SMG6: variants seen among roughly 807,000 people sequenced by gnomAD.
SMG6 encodes telomerase-binding protein EST1A.
SMG6 carries 66 observed loss-of-function variants against 142.2 expected under a neutral mutation model. The ratio of observed to expected loss-of-function variants is 0.46; its 90% confidence interval spans 0.38 to 0.57. The LOEUF is 0.57. Among genes scored for constraint, SMG6 ranks in the 20% least tolerant of loss-of-function variants. The probability of loss-of-function intolerance (pLI) is 0.00; values close to 1 mark genes in which losing one functional copy is unlikely to be tolerated. For missense variants in SMG6, 1,793 were observed against 1,832.0 expected (o/e 0.98, Z 0.39); for synonymous variants, 779 against 702.4 (o/e 1.11, Z -1.72).
chr17:2,277,393 C>T (rs535922539), intron 8 of SMG6, among the ~76,000 whole-genome samples: 2 of 151,980 alleles, frequency 1.3e-5, no homozygotes, highest in South Asian at 4.1e-4. Context: ...GTCTCGATCT[C>T]CTGACCTCGT....
At position 2,299,944 on chromosome 17, in the gene SMG6, C is replaced by G. The variant is rs757032499; in HGVS notation, c.809G>C (p.Gly270Ala). The G allele has an allele frequency of 6.2e-7, 1 of 1,614,116 alleles. No individual in the cohort carries two copies. The highest frequency in any genetic ancestry group is 1.1e-5 in the South Asian group (1 of 91,082). The change falls in exon 2 of 19, where the codon GGA (glycine) becomes GCA (alanine). Residue 270 changes from glycine (G) to alanine (A), a missense_variant. Gly to Ala is a moderately conservative substitution (Grantham distance 60). Transcript: ENST00000263073. This position sits in a 1 kb window ranked among gnomAD's most constrained non-coding sequence, Gnocchi z 4.3. ...SSAGSNNSAE[G>A]AGLTDNGCRR... ...ACATCCATTATCCGTCAGGCCAGCTCCCTCAGCGCTGTTGTTGCTGCCAGC... is the reference window on the plus strand; with the variant it reads ...ACATCCATTATCCGTCAGGCCAGCTGCCTCAGCGCTGTTGTTGCTGCCAGC...
At chr17:2,077,287 C>T (rs2068285998) in intron 15 of SMG6, among the ~76,000 whole-genome samples, 1 of 152,162 alleles carries the variant, frequency 6.6e-6, no homozygotes, top group African/African-American at 2.4e-5. Context: ...CCAGAAATAA[C>T]TGGAACATGA....
intron 10 of SMG6, among the ~76,000 whole-genome samples, chr17:2,192,431 T>A (rs1356012454): frequency 2.0e-5 from 3 of 152,130 alleles, no homozygotes; most frequent in Non-Finnish European, 4.4e-5. Flanking sequence ...AGTCTGATGC[T>A]CTGATAGCAG....
chr17:2,116,039 C>T (rs1567609772), intron 13 of SMG6, among the ~76,000 whole-genome samples: 1 of 150,854 alleles, frequency 6.6e-6, no homozygotes, highest in Non-Finnish European at 1.5e-5. Flanking sequence ...AAAGCACTCA[C>T]TAACTTTTAA....
Position 2,300,757 on chromosome 17 carries a change from CA to C in SMG6, c.89-94del, listed in dbSNP as rs926316068. 116 of 1,199,830 alleles carry C rather than the reference CA, an allele frequency of 9.7e-5. No individual in the cohort carries two copies. The African/African-American group carries it at 1.6e-3, about 17-fold the overall frequency. The allele number at this position is 1,199,830 out of a possible 1,614,324, so 74.3% of individuals were successfully genotyped here. On this transcript the variant is annotated intron_variant, in intron 1 of 18. Transcript: ENST00000263073. ...AAAGACTGTCATTCTGGTTAAGTAACAAAAAAAGTCGAGCAAGAATTACATA... is the reference window on the plus strand; with the variant it reads ...AAAGACTGTCATTCTGGTTAAGTAACAAAAAAGTCGAGCAAGAATTACATA...
chr17:2,220,957 A>G (rs2073153630), intron 10 of SMG6, among the ~76,000 whole-genome samples: 1 of 152,254 alleles, frequency 6.6e-6, no homozygotes, highest in African/African-American at 2.4e-5. Context: ...GTTTTCATAA[A>G]TAGGACAGAA....
intron 8 of SMG6, among the ~76,000 whole-genome samples, chr17:2,274,621 C>T (rs1312664465): frequency 6.6e-6 from 1 of 152,172 alleles, no homozygotes; most frequent in South Asian, 2.1e-4. Context: ...CCAGACTGAA[C>T]CACAAAACAT....
chr17:2,204,972 A>G (rs1280625133), intron 10 of SMG6, among the ~76,000 whole-genome samples: 1 of 152,126 alleles, frequency 6.6e-6, no homozygotes, highest in Non-Finnish European at 1.5e-5. Flanking sequence ...TAATAGTAAC[A>G]TAGCCCTTCC....
At chr17:2,213,405 C>T (rs1216762007) in intron 10 of SMG6, among the ~76,000 whole-genome samples, 2 of 152,158 alleles carry the variant, frequency 1.3e-5, no homozygotes, top group Non-Finnish European at 2.9e-5. Context: ...CTGATCCACC[C>T]GGCCTCTCAG....
chr17:2,177,778 T>A (rs1204802059), intron 12 of SMG6, among the ~76,000 whole-genome samples: 1 of 152,084 alleles, frequency 6.6e-6, no homozygotes, highest in East Asian at 1.9e-4. Context: ...ACAGCCAAGA[T>A]GGCACAGAAG....
chr17:2,097,239 C>T (rs118170056), intron 13 of SMG6, among the ~76,000 whole-genome samples: 10,316 of 151,954 alleles, frequency 0.068, 498 homozygotes, highest in Admixed American at 0.093. Flanking sequence ...ACTACAGCCT[C>T]GACTTCCTGG....
At chr17:2,235,788 A>G (rs958720664) in intron 10 of SMG6, 1 of 152,636 alleles carries the variant, frequency 6.6e-6, no homozygotes, top group Non-Finnish European at 1.5e-5. Context: ...GAAGGGAAGG[A>G]ATCCTGGTAA....
intron 8 of SMG6, among the ~76,000 whole-genome samples, chr17:2,249,110 G>A (rs1170759403): frequency 6.6e-6 from 1 of 151,874 alleles, no homozygotes; most frequent in East Asian, 1.9e-4. Context: ...AGCCAGGATG[G>A]TCTCAATCTC....
At chr17:2,096,289 C>T (rs1395995885) in intron 13 of SMG6, among the ~76,000 whole-genome samples, 1 of 152,152 alleles carries the variant, frequency 6.6e-6, no homozygotes, top group Non-Finnish European at 1.5e-5. Flanking sequence ...CTGCAACCTT[C>T]GTCTTGAACC....
chr17:2,289,958 ATATATATG>A (rs1435596338), intron 6 of SMG6, among the ~76,000 whole-genome samples: 2 of 148,076 alleles, frequency 1.4e-5, no homozygotes, highest in Non-Finnish European at 3.0e-5. Flanking sequence ...ATATATATAT[ATATATATG>A]TAATTAAAAT....
intron 8 of SMG6, among the ~76,000 whole-genome samples, chr17:2,272,463 T>C (rs1363588874): frequency 1.3e-5 from 2 of 152,202 alleles, no homozygotes; most frequent in East Asian, 1.9e-4. Flanking sequence ...GGATTTTGCA[T>C]TGTGAATTCA....
rs1376453604 is a variant in SMG6, at chr17:2,299,774, A to T, written c.979T>A (p.Leu327Ile). ...PRRSSERKRHLERNWSGRGEG... is the reference protein window; with the variant it reads ...PRRSSERKRHIERNWSGRGEG... ...CCACGGCCAGACCAGTTTCTTTCTA[A>T]ATGTCTCTTCCTTTCTGAACTTCTC... Residue 327 changes from leucine (L) to isoleucine (I), a missense_variant, in exon 2 of 19, where the codon TTA becomes ATA. By Grantham distance (5) the Leu-to-Ile change is conservative. Around this residue, in one of 3 missense-constraint regions of SMG6, gnomAD observed 1,597 missense variants for 1,584.6 expected, o/e 1.01. Transcript: ENST00000263073. This position sits in a 1 kb window ranked among gnomAD's most constrained non-coding sequence, Gnocchi z 4.3. 1.4e-5 allele frequency: 23 copies of T among 1,613,976 alleles called. No individual in the cohort carries two copies. Among genetic ancestry groups the T allele is most frequent in the Middle Eastern group, 1.6e-4 (1 of 6,084 alleles).
intron 8 of SMG6, among the ~76,000 whole-genome samples, chr17:2,256,887 T>C (rs2074193804): frequency 6.6e-6 from 1 of 150,926 alleles, no homozygotes; most frequent in Non-Finnish European, 1.5e-5. Context: ...AGCATACACA[T>C]CACTATCTGT....
chr17:2,169,623 T>C (rs1240336267), intron 13 of SMG6, among the ~76,000 whole-genome samples: 1 of 152,102 alleles, frequency 6.6e-6, no homozygotes, highest in Non-Finnish European at 1.5e-5. Flanking sequence ...CTTGGTTTGT[T>C]TGAGGAACAG....
Sources: allele counts gnomAD v4.1 joint callset (sites outside exome capture counted in the v4.1 genomes callset), GRCh38; gene constraint gnomAD v4.1.1; regional missense constraint gnomAD v4.1.1; non-coding constraint Gnocchi (gnomAD v3.1); transcripts MANE v1.5; gene names NCBI Gene and HGNC (gene_info 2026-07-23, HGNC 2026-07-21).